The following ITPR2 variants were observed in gnomAD, a reference collection of about 807,000 sequenced individuals.
ITPR2 encodes the protein inositol 1,4,5-trisphosphate receptor type 2.
Under a neutral mutation model 317.1 loss-of-function variants are expected in ITPR2, and 207 were observed. The ratio of observed to expected loss-of-function variants is 0.65; its 90% CI spans 0.58 to 0.73. ITPR2 has a LOEUF of 0.73. Among genes scored for constraint, ITPR2 ranks in the 30% least tolerant of loss-of-function variants. ITPR2 has a pLI of 0.00. For synonymous variants in ITPR2, 1,156 were observed against 1,149.1 expected, an observed-to-expected ratio of 1.01 and a Z score of -0.12; for missense variants, 2,613 against 3,284.0, an observed-to-expected ratio of 0.80 and a Z score of 4.99.
intron 2 of ITPR2, among the ~76,000 whole-genome samples, chr12:26,787,318 G>A (rs1950272499): frequency 6.6e-6 from 1 of 152,210 alleles, no homozygotes; most frequent in Non-Finnish European, 1.5e-5. Context: ...TAAAACTGGA[G>A]GTAGAAAATG....
At chr12:26,666,162 A>ATAGATAGATAGAAAGAT (rs34107444) in intron 13 of ITPR2, 111 bp from the exon 14 acceptor site, 3 of 391,176 alleles carry the variant, frequency 7.7e-6, no homozygotes, top group African/African-American at 6.5e-5. Flanking sequence ...AGATAGATAG[A>ATAGATAGATAGAAAGAT]TTTTTTTTTA....
At chr12:26,682,142 C>G in intron 12 of ITPR2, 108 bp from the exon 13 acceptor site, 1 of 889,150 alleles carries the variant, frequency 1.1e-6, no homozygotes, top group Non-Finnish European at 1.7e-6. Flanking sequence ...AATAGATCAT[C>G]CGAACACAGT....
At chr12:26,560,471 A>G (rs1389570489) in intron 35 of ITPR2, among the ~76,000 whole-genome samples, 1 of 152,148 alleles carries the variant, frequency 6.6e-6, no homozygotes, top group African/African-American at 2.4e-5. Flanking sequence ...TGCTCTTAAA[A>G]TAAACAGTCT....
intron 2 of ITPR2, among the ~76,000 whole-genome samples, chr12:26,746,022 A>T (rs373752202): frequency 6.6e-6 from 1 of 152,188 alleles, no homozygotes; most frequent in East Asian, 1.9e-4. Context: ...TTTTTTGTAT[A>T]GATCCTCATC....
chr12:26,548,921 C>T (rs1382626022), intron 37 of ITPR2, among the ~76,000 whole-genome samples: 5 of 152,118 alleles, frequency 3.3e-5, no homozygotes, highest in East Asian at 3.8e-4. Context: ...GATTTCTTTC[C>T]GATTTTCCTT....
chr12:26,471,675 G>C (rs1403089569), intron 45 of ITPR2, among the ~76,000 whole-genome samples: 1 of 152,146 alleles, frequency 6.6e-6, no homozygotes, highest in African/African-American at 2.4e-5. Flanking sequence ...AACAAAAATT[G>C]AAAGTCTGAG....
intron 24 of ITPR2, among the ~76,000 whole-genome samples, 178 bp from the exon 25 acceptor site, chr12:26,622,583 A>G (rs1021303178): frequency 6.6e-6 from 1 of 152,216 alleles, no homozygotes; most frequent in Non-Finnish European, 1.5e-5. Flanking sequence ...ATCATAAAGA[A>G]AAGCTTGTGT....
intron 26 of ITPR2, among the ~76,000 whole-genome samples, chr12:26,604,789 A>G (rs1054748145): frequency 4.6e-5 from 7 of 152,190 alleles, no homozygotes; most frequent in African/African-American, 1.7e-4. Flanking sequence ...TTAATCATGA[A>G]GTGAATCTTA....
intron 45 of ITPR2, among the ~76,000 whole-genome samples, chr12:26,461,594 C>A (rs1253267010): frequency 1.4e-5 from 2 of 143,974 alleles, no homozygotes; most frequent in African/African-American, 2.7e-5. Flanking sequence ...TCAGGTCTCA[C>A]AAAGCTGACA....
chr12:26,500,116 GAC>G (rs1305406257), intron 37 of ITPR2, among the ~76,000 whole-genome samples: 1 of 152,186 alleles, frequency 6.6e-6, no homozygotes, highest in Non-Finnish European at 1.5e-5. Flanking sequence ...ATCCAGTTCT[GAC>G]TTAAGCGGTG....
intron 4 of ITPR2, among the ~76,000 whole-genome samples, chr12:26,724,367 G>A (rs2137048297): frequency 6.6e-6 from 1 of 152,244 alleles, no homozygotes; most frequent in East Asian, 1.9e-4. Flanking sequence ...GACTATTTCA[G>A]AACAGGCCTT....
intron 42 of ITPR2, among the ~76,000 whole-genome samples, chr12:26,483,316 T>C (rs1448969164): frequency 6.6e-6 from 1 of 152,190 alleles, no homozygotes; most frequent in Non-Finnish European, 1.5e-5. Flanking sequence ...ATGATACCTA[T>C]TCATAAGTTT....
At chr12:26,807,216 A>ATT (rs1357362539) in intron 1 of ITPR2, among the ~76,000 whole-genome samples, 1 of 152,072 alleles carries the variant, frequency 6.6e-6, no homozygotes, top group African/African-American at 2.4e-5. Flanking sequence ...AGATATATAT[A>ATT]TATTCATTGT....
intron 31 of ITPR2, 125 bp downstream of exon 31, chr12:26,596,758 T>C: frequency 1.4e-6 from 1 of 713,834 alleles, no homozygotes; most frequent in Non-Finnish European, 2.1e-6. Context: ...TATAGTTAAA[T>C]ACAATTCCCT....
At position 26,556,237 on chromosome 12, in the gene ITPR2, A is replaced by C; in HGVS notation, c.4960T>G (p.Ser1654Ala). 1 of 1,613,490 alleles carries C rather than the reference A, an allele frequency of 6.2e-7. No individual in the cohort carries two copies. The highest frequency in any genetic ancestry group is 8.5e-7 in the Non-Finnish European group (1 of 1,179,770). ...TCTCAGATTGGATCCACTTACTTCGACATGAAAGCGCCACATCTTATTCTT... is the reference window on the plus strand; with the variant it reads ...TCTCAGATTGGATCCACTTACTTCGCCATGAAAGCGCCACATCTTATTCTT... ...DARIRCGAFM[S>A]KLINHTKKLM... Residue 1654 changes from serine (S) to alanine (A), a missense_variant, in exon 36 of 57, where the codon TCG becomes GCG. Physicochemically the swap from Ser to Ala is moderately conservative, Grantham distance 99. This residue lies in a region of ITPR2 where 926 missense variants were observed against 1,072.8 expected (regional missense o/e 0.86). Coordinates refer to ENST00000381340, the MANE Select transcript of ITPR2 (RefSeq NM_002223.4).
At chr12:26,567,952 A>ATATATATAATATATATATTATATATAT (rs1945021636) in intron 34 of ITPR2, among the ~76,000 whole-genome samples, 1 of 5,992 alleles carries the variant, frequency 1.7e-4, no homozygotes, top group Non-Finnish European at 8.1e-4. Context: ...TATATATATT[A>ATATATATAATATATATATTATATATAT]TATATATATA....
chr12:26,669,908 G>T (rs1215811943), intron 13 of ITPR2, among the ~76,000 whole-genome samples: 1 of 152,264 alleles, frequency 6.6e-6, no homozygotes, highest in African/African-American at 2.4e-5. Flanking sequence ...CCCACACATG[G>T]CTGGGAGGGT....
chr12:26,550,327 C>G lies in ITPR2; in HGVS notation c.4993G>C (p.Glu1665Gln). The G allele has an allele frequency of 6.7e-7, 1 of 1,484,980 alleles. No individual in the cohort carries two copies. The highest frequency in any genetic ancestry group is 1.2e-5 in the South Asian group (1 of 85,660). The allele number at this position is 1,484,980 out of a possible 1,614,324, so 92.0% of individuals were successfully genotyped here. A position where few individuals can be genotyped will look rare whatever the true frequency, so the allele number is the denominator to read the frequency against. Residue 1665 changes from glutamate (E) to glutamine (Q), a missense_variant, in exon 37 of 57, where the codon GAG becomes CAG. By Grantham distance (29) the Glu-to-Gln change is conservative. Coordinates refer to ENST00000381340, the MANE Select transcript of ITPR2 (RefSeq NM_002223.4). ...KLINHTKKLM[E>Q]KEEKLCIKIL... ...TTAATGCACAGTTTTTCTTCTTTCT[C>G]CATTAGTTTCTTTGTATGATTAATC...
At chr12:26,713,449 C>T (rs1948684879) in intron 8 of ITPR2, among the ~76,000 whole-genome samples, 1 of 152,132 alleles carries the variant, frequency 6.6e-6, no homozygotes, top group South Asian at 2.1e-4. Flanking sequence ...AAACATTTTA[C>T]ATCAAGTTAT....
Sources: gnomAD v4.1 joint callset for allele counts (sites outside exome capture counted in the v4.1 genomes callset) on GRCh38, gnomAD v4.1.1 for gene constraint, gnomAD v4.1.1 regional missense constraint, MANE v1.5 for transcripts, NCBI Gene and HGNC (gene_info 2026-07-23, HGNC 2026-07-21) for gene names.